The following EPHA10 variants were observed in gnomAD, a reference collection of about 807,000 sequenced individuals.
The protein encoded by EPHA10 is ephrin type-A receptor 10.
EPHA10 carries 120 observed loss-of-function variants against 109.7 expected under a neutral mutation model. That is an observed-to-expected ratio of 1.09 (90% confidence interval 0.94 to 1.27). EPHA10 has a LOEUF of 1.27. EPHA10 is among the 50% of genes most tolerant of loss of function. The probability of loss-of-function intolerance (pLI) is 0.00; values close to 1 mark genes in which losing one functional copy is unlikely to be tolerated. For missense variants in EPHA10, 1,396 were observed against 1,411.1 expected, an observed-to-expected ratio of 0.99 and a Z score of 0.17; for synonymous variants, 640 against 618.9, an observed-to-expected ratio of 1.03 and a Z score of -0.51.
chr1:37,755,144 A>G (rs1240660640), intron 3 of EPHA10, among the ~76,000 whole-genome samples: 1 of 152,148 alleles, frequency 6.6e-6, no homozygotes, highest in Non-Finnish European at 1.5e-5. Flanking sequence ...GGAGAGGTGA[A>G]GTTGCCTACA....
intron 7 of EPHA10, among the ~76,000 whole-genome samples, chr1:37,728,290 G>A (rs553615949): frequency 8.5e-5 from 13 of 152,260 alleles, no homozygotes; most frequent in Admixed American, 7.2e-4. Context: ...GGCCTTGAAC[G>A]CTAAGCTAAG....
chr1:37,753,176 G>C lies in EPHA10; in HGVS notation c.1057C>G (p.Leu353Val). The stretch of plus-strand genomic sequence containing the variant: ...GGCAGCCAGCGCAGTCGCAGCACCA[G>C]CGGCGAGCGGCTCAGGCTGTACTGC... ...DLQYSLSRSP[L>V]VLRLRWLPPA... Residue 353 changes from leucine to valine, a missense_variant, in exon 5 of 17, where the codon CTG becomes GTG. Physicochemically the swap from Leu to Val is conservative, Grantham distance 32. Transcript: ENST00000373048. 2 of 1,404,710 alleles carry C rather than the reference G, an allele frequency of 1.4e-6. No homozygotes were observed. The highest frequency in any genetic ancestry group is 1.8e-6 in the Non-Finnish European group (2 of 1,081,110). The allele number at this position is 1,404,710 out of a possible 1,614,324, so 87.0% of individuals were successfully genotyped here.
chr1:37,753,666 GA>G (rs1646363686), intron 4 of EPHA10, among the ~76,000 whole-genome samples: 1 of 12,278 alleles, frequency 8.1e-5, no homozygotes, highest in African/African-American at 1.8e-4. Flanking sequence ...GGGCGAGCGG[GA>G]GCAGGGGTGA....
intron 5 of EPHA10, among the ~76,000 whole-genome samples, chr1:37,735,681 A>G (rs631453): frequency 0.32 from 48,055 of 151,500 alleles, 7,882 homozygotes; most frequent in East Asian, 0.47. Flanking sequence ...CTTACAGCCC[A>G]GCTTCTCTCA....
chr1:37,745,178 A>G (rs1646211673), intron 5 of EPHA10, among the ~76,000 whole-genome samples: 1 of 152,232 alleles, frequency 6.6e-6, no homozygotes, highest in African/African-American at 2.4e-5. Context: ...GCACCTTGTT[A>G]GAGCAACCCT....
chr1:37,746,052 T>C (rs1646235461), intron 5 of EPHA10, among the ~76,000 whole-genome samples: 1 of 151,462 alleles, frequency 6.6e-6, no homozygotes, highest in Non-Finnish European at 1.5e-5. Flanking sequence ...TGTGCACATA[T>C]GGACAAAGAG....
chr1:37,762,585 CTTTTT>C (rs34513765), intron 2 of EPHA10, among the ~76,000 whole-genome samples, 195 bp downstream of exon 2: 4 of 141,598 alleles, frequency 2.8e-5, no homozygotes, highest in South Asian at 4.5e-4. Context: ...CACTTATTCA[CTTTTT>C]TTTTTTTTTT....
chr1:37,727,082 G>A lies in EPHA10; in HGVS notation c.1772+20C>T, dbSNP rs1028393060. 2 of 1,596,682 alleles carry A rather than the reference G, an allele frequency of 1.3e-6. No individual in the cohort carries two copies. Among genetic ancestry groups the A allele is most frequent in the African/African-American group, 1.3e-5 (1 of 74,478 alleles). On this transcript the variant is annotated intron_variant, in intron 8 of 16. Coordinates refer to ENST00000373048, the MANE Select transcript of EPHA10 (RefSeq NM_001099439.2). The stretch of plus-strand genomic sequence containing the variant: ...GACATGACCCACCAGGAGTCACCTA[G>A]GCTGGGGCCAGCCACCTACCTCCTC...
chr1:37,744,370 A>T (rs1396052512), intron 5 of EPHA10, among the ~76,000 whole-genome samples: 51 of 151,604 alleles, frequency 3.4e-4, no homozygotes, highest in Non-Finnish European at 1.5e-5. Context: ...AAAAAAAAAA[A>T]TTAGCTGGGT....
At chr1:37,726,236 C>T (rs546194071) in intron 8 of EPHA10, among the ~76,000 whole-genome samples, 7 of 152,362 alleles carry the variant, frequency 4.6e-5, no homozygotes, top group Non-Finnish European at 5.9e-5. Flanking sequence ...TCATGCTCCA[C>T]GAGCAAGGAA....
intron 5 of EPHA10, among the ~76,000 whole-genome samples, chr1:37,751,700 C>T (rs1352770391): frequency 2.0e-5 from 3 of 151,296 alleles, no homozygotes; most frequent in Non-Finnish European, 2.9e-5. Context: ...GGTGAAACCC[C>T]GTCTCTACTA....
At position 37,718,341 on chromosome 1, in the gene EPHA10, C is replaced by G. The variant is rs767340347; in HGVS notation, c.*31G>C. 2.6e-6 allele frequency: 4 copies of G among 1,546,102 alleles called. No individual in the cohort carries two copies. The highest frequency in any genetic ancestry group is 1.8e-5 in the Admixed American group (1 of 55,816). On this transcript the variant is annotated 3_prime_UTR_variant, in exon 17 of 17. Transcript: ENST00000373048. The stretch of plus-strand genomic sequence containing the variant: ...CAGGGCTGGGGGACTGGACCCCCAC[C>G]GGAGTCCTGCCTTGGAAGAATGGGG...
Position 37,723,295 on chromosome 1 carries a change from G to A in EPHA10, c.1834+16C>T. On this transcript the variant is annotated intron_variant, in intron 9 of 16. Transcript: ENST00000373048. ...GGTGGAGCCCGCCCCTCCCCAGCCA[G>A]GCCCAGCCAACTCACAGTGGAAATA... is the stretch of plus-strand genomic sequence containing the variant. 1 of 1,613,722 alleles carries A rather than the reference G, an allele frequency of 6.2e-7. No individual in the cohort carries two copies. Among genetic ancestry groups the A allele is most frequent in the Non-Finnish European group, 8.5e-7 (1 of 1,179,786 alleles).
chr1:37,718,885 G>T (rs1262863662), intron 15 of EPHA10, 69 bp from the exon 16 acceptor site: 2 of 1,519,812 alleles, frequency 1.3e-6, no homozygotes, highest in East Asian at 2.3e-5. Flanking sequence ...GTCTCCCGGG[G>T]AGAGGCCAGC....
intron 4 of EPHA10, 131 bp from the exon 5 acceptor site, chr1:37,753,357 T>C: frequency 1.9e-6 from 1 of 532,948 alleles, no homozygotes. Context: ...CGAGGGTCAG[T>C]CGGGGAGGAG....
rs41267333 is a variant in EPHA10 at position 37,718,449 on chromosome 1, G to A, written c.2950C>T (p.Arg984Ter). 260 of 1,613,302 alleles carry A rather than the reference G, an allele frequency of 1.6e-4. No individual in the cohort carries two copies. The highest frequency in any genetic ancestry group is 2.1e-4 in the Non-Finnish European group (244 of 1,180,012). ...CTGATCCCGCTGAGGAGGGCCTCTC[G>A]ATGTTCAGCCAAAGAGATGCCTAGG... ...VSLGISLAEH[R>*]EALLSGISAL... Residue 984 changes from arginine (R) to a stop codon, truncating the protein, a stop_gained, in exon 17 of 17, where the codon CGA becomes TGA. Coordinates refer to ENST00000373048, the MANE Select transcript of EPHA10 (RefSeq NM_001099439.2). LOFTEE classifies it high-confidence loss of function.
At chr1:37,748,598 A>G (rs189478521) in intron 5 of EPHA10, among the ~76,000 whole-genome samples, 10 of 152,292 alleles carry the variant, frequency 6.6e-5, no homozygotes, top group Non-Finnish European at 1.5e-5. Context: ...TGTAGATGGG[A>G]AAAATCTTAA....
chr1:37,764,825 T>G lies in EPHA10; in HGVS notation c.106+136A>C. ...ATCACATTTTTCTCTGTCTCTCCAG[T>G]TCTTTGCTGCCTGCTTGCTTCAAGC... On this transcript the variant is annotated intron_variant, in intron 1 of 16. Coordinates refer to ENST00000373048, the MANE Select transcript of EPHA10 (RefSeq NM_001099439.2). This position sits in a 1 kb window ranked among gnomAD's most constrained non-coding sequence, Gnocchi z 5.8. 4 of 695,210 alleles carry G rather than the reference T, an allele frequency of 5.8e-6. No individual in the cohort carries two copies. In the South Asian group the frequency reaches 8.7e-5, roughly 15 times the overall value. 43.1% of individuals were successfully genotyped at this position (695,210 alleles called of 1,614,324 possible). A position where few individuals can be genotyped will look rare whatever the true frequency, so the allele number is the denominator to read the frequency against.
intron 6 of EPHA10, among the ~76,000 whole-genome samples, chr1:37,734,318 G>T (rs147633410): frequency 3.3e-4 from 51 of 152,256 alleles, no homozygotes; most frequent in African/African-American, 1.2e-3. Flanking sequence ...TGGATCACCT[G>T]AGGTCAGGAG....
Sources: gnomAD v4.1 joint callset for allele counts (sites outside exome capture counted in the v4.1 genomes callset) on GRCh38, gnomAD v4.1.1 for gene constraint, Gnocchi (gnomAD v3.1) non-coding constraint, MANE v1.5 for transcripts, NCBI Gene and HGNC (gene_info 2026-07-23, HGNC 2026-07-21) for gene names.